The following CNTNAP3 variants were observed in gnomAD, a reference collection of about 807,000 sequenced individuals.
CNTNAP3 encodes the protein contactin associated protein family member 3.
CNTNAP3 carries 36 observed loss-of-function variants against 92.1 expected under a neutral mutation model. The observed-to-expected ratio is 0.39, with a 90% confidence interval of 0.30 to 0.52. The LOEUF is 0.52. CNTNAP3 is among the 20% of genes least tolerant of loss of function. The pLI is 0.76. For synonymous variants in CNTNAP3, 232 were observed against 422.3 expected (o/e 0.55, Z 5.53); for missense variants, 534 against 1,069.6 (o/e 0.50, Z 6.98).
At chr9:39,101,019 A>T (rs1398678684) in intron 17 of CNTNAP3, among the ~76,000 whole-genome samples, 3 of 150,432 alleles carry the variant, frequency 2.0e-5, no homozygotes, top group Non-Finnish European at 3.0e-5. Flanking sequence ...CACCGCAATG[A>T]ATGCTGATTC....
chr9:39,143,237 A>G (rs1821619124), intron 11 of CNTNAP3, among the ~76,000 whole-genome samples: 1 of 151,088 alleles, frequency 6.6e-6, no homozygotes, highest in South Asian at 2.1e-4. Context: ...AAGTGTTAGA[A>G]TATGCCATCC....
chr9:39,179,341 A>ACG (rs1822407717), intron 4 of CNTNAP3, among the ~76,000 whole-genome samples: 1 of 91,192 alleles, frequency 1.1e-5, no homozygotes, highest in Non-Finnish European at 2.1e-5. Context: ...ACACACACAC[A>ACG]GGCACACAGA....
chr9:39,083,599 C>T (rs1192766043), intron 21 of CNTNAP3, among the ~76,000 whole-genome samples: 1 of 148,016 alleles, frequency 6.8e-6, no homozygotes. Context: ...GCGGAGGTTG[C>T]AGTGAGCCGA....
intron 23 of CNTNAP3, among the ~76,000 whole-genome samples, chr9:39,077,393 C>T (rs1208575625): frequency 6.6e-6 from 1 of 151,782 alleles, no homozygotes; most frequent in Non-Finnish European, 1.5e-5. Context: ...CCCGCCTCTA[C>T]TAAAAATACA....
chr9:39,131,958 G>A (rs1052813419), intron 13 of CNTNAP3, among the ~76,000 whole-genome samples: 3 of 151,474 alleles, frequency 2.0e-5, no homozygotes, highest in Non-Finnish European at 4.4e-5. Flanking sequence ...CCAACTTAAA[G>A]ATTTTGTATT....
intron 10 of CNTNAP3, among the ~76,000 whole-genome samples, chr9:39,148,940 A>G (rs1821773444): frequency 6.6e-6 from 1 of 152,198 alleles, no homozygotes; most frequent in South Asian, 2.1e-4. Context: ...GTGTGACCCT[A>G]TGATTCTTCT....
chr9:39,132,900 G>A (rs1821329107), intron 13 of CNTNAP3, 32 bp downstream of exon 13: 1 of 1,522,218 alleles, frequency 6.6e-7, no homozygotes, highest in Non-Finnish European at 8.7e-7. Context: ...CCGGCCCCGT[G>A]AACCCCTGTA....
chr9:39,110,481 C>T (rs926500327), intron 14 of CNTNAP3, among the ~76,000 whole-genome samples: 3 of 152,156 alleles, frequency 2.0e-5, no homozygotes, highest in African/African-American at 7.2e-5. Context: ...ATTGAGGACA[C>T]AGAGTAAAAA....
chr9:39,108,369 G>C (rs1378428408), intron 15 of CNTNAP3, among the ~76,000 whole-genome samples: 24 of 152,138 alleles, frequency 1.6e-4, no homozygotes, highest in Admixed American at 1.6e-3. Context: ...GAAACTGCTT[G>C]GTATTAGGGG....
chr9:39,150,092 A>G (rs1037827917), intron 9 of CNTNAP3, 115 bp from the exon 10 acceptor site: 2 of 692,040 alleles, frequency 2.9e-6, no homozygotes, highest in Non-Finnish European at 2.5e-6. Context: ...GTATGATGCG[A>G]TGAGCTTCAC....
chr9:39,145,097 A>G (rs1587731085), intron 10 of CNTNAP3, among the ~76,000 whole-genome samples: 1 of 139,388 alleles, frequency 7.2e-6, no homozygotes, highest in Middle Eastern at 3.6e-3. Flanking sequence ...GCCGCCCACT[A>G]TAATATTGGG....
At chr9:39,134,900 C>G (rs1403726550) in intron 12 of CNTNAP3, among the ~76,000 whole-genome samples, 1 of 152,162 alleles carries the variant, frequency 6.6e-6, no homozygotes, top group African/African-American at 2.4e-5. Context: ...ATTTGTTGTA[C>G]AATGGGAGAG....
chr9:39,100,295 G>C (rs1411630250), intron 17 of CNTNAP3, 145 bp from the exon 18 acceptor site: 1 of 1,542,276 alleles, frequency 6.5e-7, no homozygotes, highest in Non-Finnish European at 8.8e-7. Flanking sequence ...TTTTGAAAAT[G>C]TAACTGTTAT....
At chr9:39,084,726 A>G (rs1272831527) in intron 21 of CNTNAP3, among the ~76,000 whole-genome samples, 1 of 152,150 alleles carries the variant, frequency 6.6e-6, no homozygotes, top group Non-Finnish European at 1.5e-5. Flanking sequence ...AAATGATGTG[A>G]GAGTGGCAAA....
intron 13 of CNTNAP3, among the ~76,000 whole-genome samples, chr9:39,121,048 C>A (rs952600087): frequency 1.3e-5 from 2 of 151,464 alleles, no homozygotes; most frequent in African/African-American, 4.9e-5. Context: ...AACTATAATA[C>A]CAAGCAACGA....
rs184039773 is a variant in CNTNAP3, at chr9:39,141,696, A to G, written c.1757-1058T>C. 5.4e-4 allele frequency among the ~76,000 whole-genome samples: 82 copies of G among 152,242 alleles called. 1 individual carries two copies. Among genetic ancestry groups the G allele is most frequent in the Non-Finnish European group, 1.2e-4 (8 of 67,998 alleles). On this transcript the variant is annotated intron_variant, in intron 11 of 23. Coordinates refer to ENST00000297668, the MANE Select transcript of CNTNAP3 (RefSeq NM_033655.5). ...GATTTAAATAGATACATATATTTGT[A>G]TATGTCTGGTAGGATTCACTCAAAT...
chr9:39,124,612 T>G (rs1821112866), intron 13 of CNTNAP3, among the ~76,000 whole-genome samples: 1 of 152,148 alleles, frequency 6.6e-6, no homozygotes, highest in South Asian at 2.1e-4. Context: ...AATCTACCCA[T>G]CTGACAAAGG....
chr9:39,108,874 T>C (rs11794808), intron 15 of CNTNAP3, among the ~76,000 whole-genome samples: 3,189 of 152,230 alleles, frequency 0.021, 66 homozygotes, highest in East Asian at 0.11. Context: ...AAATAGTTCA[T>C]CTCATGATTG....
chr9:39,092,024 A>T (rs1826216245), intron 18 of CNTNAP3, among the ~76,000 whole-genome samples: 1 of 149,680 alleles, frequency 6.7e-6, no homozygotes, highest in Non-Finnish European at 1.5e-5. Flanking sequence ...AAGTTACGTA[A>T]TTTTTTTCAA....
Sources: allele counts gnomAD v4.1 joint callset (sites outside exome capture counted in the v4.1 genomes callset), GRCh38; gene constraint gnomAD v4.1.1; transcripts MANE v1.5; gene names NCBI Gene and HGNC (gene_info 2026-07-23, HGNC 2026-07-21).